PCNX1: variants seen among roughly 807,000 people sequenced by gnomAD.
PCNX1 encodes pecanex-like protein 1.
In PCNX1, 78 loss-of-function variants were observed where a neutral mutation model predicts 242.2. That is an observed-to-expected ratio of 0.32 (90% CI 0.27 to 0.39). PCNX1 has a LOEUF of 0.39. Among genes scored for constraint, PCNX1 ranks in the 10% least tolerant of loss-of-function variants. The probability of loss-of-function intolerance (pLI) is 1.00; values close to 1 mark genes in which losing one functional copy is unlikely to be tolerated. For missense variants in PCNX1, 2,581 were observed against 2,856.5 expected, an observed-to-expected ratio of 0.90 and a Z score of 2.20; for synonymous variants, 1,024 against 1,032.9, an observed-to-expected ratio of 0.99 and a Z score of 0.17.
chr14:71,001,636 A>G (rs1454403110), intron 8 of PCNX1, among the ~76,000 whole-genome samples: 2 of 152,244 alleles, frequency 1.3e-5, no homozygotes, highest in Non-Finnish European at 2.9e-5. Flanking sequence ...TCATTGAATC[A>G]CTAGACTAGA....
At position 70,978,018 on chromosome 14, in the gene PCNX1, A is replaced by C; in HGVS notation, c.1681A>C (p.Arg561=). 1.2e-6 allele frequency: 2 copies of C among 1,614,154 alleles called. No homozygotes were observed. Among genetic ancestry groups the C allele is most frequent in the Non-Finnish European group, 1.7e-6 (2 of 1,180,030 alleles). Residue 561 remains arginine, a synonymous_variant, in exon 6 of 36, where the codon AGG becomes CGG. Transcript: ENST00000304743. The part of the protein sequence containing the change: ...HRTASAHKSG[R]RRTGKKRASS... ...GACAGCTTCTGCCCACAAGTCAGGCAGGAGACGCACAGGAAAAAAACGGGC... is the reference window on the plus strand; with the variant it reads ...GACAGCTTCTGCCCACAAGTCAGGCCGGAGACGCACAGGAAAAAAACGGGC...
chr14:71,006,005 C>T (rs1310238755), intron 8 of PCNX1, among the ~76,000 whole-genome samples: 2 of 151,426 alleles, frequency 1.3e-5, no homozygotes, highest in Admixed American at 6.6e-5. Context: ...TCGCTGCAGC[C>T]GCAACCTCCT....
chr14:71,069,296 T>G (rs906540051), intron 26 of PCNX1, among the ~76,000 whole-genome samples: 3 of 152,142 alleles, frequency 2.0e-5, no homozygotes, highest in African/African-American at 7.2e-5. Flanking sequence ...CATATCAGTA[T>G]CTCTAAAAAA....
At chr14:70,924,459 A>G (rs577587620) in intron 1 of PCNX1, among the ~76,000 whole-genome samples, 19 of 152,244 alleles carry the variant, frequency 1.2e-4, no homozygotes, top group Admixed American at 1.0e-3. Context: ...TTATTAACTT[A>G]AAGTTCATAC....
At chr14:71,025,435 CT>C (rs1384487699) in intron 13 of PCNX1, among the ~76,000 whole-genome samples, 5 of 151,656 alleles carry the variant, frequency 3.3e-5, no homozygotes, top group Admixed American at 1.3e-4. Context: ...GCCCCCCCAC[CT>C]TTTTTGGTAG....
intron 22 of PCNX1, among the ~76,000 whole-genome samples, chr14:71,050,156 A>AT (rs34437472): frequency 0.54 from 81,540 of 151,094 alleles, 23,056 homozygotes; most frequent in East Asian, 0.71. Context: ...AGACATCTTG[A>AT]TTTTTTTTCT....
Position 70,978,168 on chromosome 14 carries a change from G to C in PCNX1, c.1831G>C (p.Ala611Pro), listed in dbSNP as rs1239193700. 1.2e-6 allele frequency: 2 copies of C among 1,614,094 alleles called. No homozygotes were observed. Among genetic ancestry groups the C allele is most frequent in the Non-Finnish European group, 1.7e-6 (2 of 1,179,994 alleles). ...DSSDQSDLSR[A>P]SSVQSAHQFS... ...TAGTGATCAGAGTGACTTGAGTAGA[G>C]CATCAAGTGTTCAGTCTGCTCACCA... is the stretch of plus-strand genomic sequence containing the variant. Residue 611 changes from alanine (A) to proline (P), a missense_variant, in exon 6 of 36, where the codon GCA becomes CCA. Transcript: ENST00000304743.
intron 8 of PCNX1, among the ~76,000 whole-genome samples, chr14:70,998,875 T>G (rs2059428077): frequency 6.6e-6 from 1 of 152,020 alleles, no homozygotes; most frequent in African/African-American, 2.4e-5. Flanking sequence ...GGATGAGTTT[T>G]GGAAGTTAAT....
At chr14:71,061,475 C>A (rs1378820012) in intron 26 of PCNX1, among the ~76,000 whole-genome samples, 1 of 152,204 alleles carries the variant, frequency 6.6e-6, no homozygotes. Flanking sequence ...AGTGGTATTT[C>A]TGCCTCCAAA....
intron 1 of PCNX1, among the ~76,000 whole-genome samples, chr14:70,926,485 A>C (rs558498113): frequency 6.6e-6 from 1 of 152,210 alleles, no homozygotes; most frequent in Non-Finnish European, 1.5e-5. Flanking sequence ...CTTGCTGCCA[A>C]TTGGCTGCAT....
chr14:70,943,753 A>G (rs973109583), intron 1 of PCNX1, among the ~76,000 whole-genome samples: 1 of 141,852 alleles, frequency 7.0e-6, no homozygotes, highest in Non-Finnish European at 1.5e-5. Flanking sequence ...TCACGAGCCC[A>G]GAGGCCTAGA....
chr14:71,027,169 A>T, intron 15 of PCNX1: 1 of 263,114 alleles, frequency 3.8e-6, no homozygotes, highest in Non-Finnish European at 7.3e-6. Context: ...TGGAGCCTAC[A>T]TATACTTAAG....
At chr14:70,938,659 G>A (rs973338272) in intron 1 of PCNX1, among the ~76,000 whole-genome samples, 3 of 152,134 alleles carry the variant, frequency 2.0e-5, no homozygotes, top group African/African-American at 4.8e-5. Flanking sequence ...GAGTTAGGGA[G>A]GATTCTCTCT....
rs1457362610 is a variant in PCNX1 at position 71,113,442 on chromosome 14, A to G, written c.*3507A>G. 1.3e-5 allele frequency: 2 copies of G among 152,650 alleles called. No individual in the cohort carries two copies. The highest frequency in any genetic ancestry group is 2.4e-5 in the African/African-American group (1 of 41,454). The allele number at this position is 152,650 out of a possible 1,614,324, so 9.5% of individuals were successfully genotyped here. ...GAAGATGTGTTTTTCTTTCTGAATT[A>G]GTTTATTTTTCCATCACATACCAAA... On this transcript the variant is annotated 3_prime_UTR_variant, in exon 36 of 36. Transcript: ENST00000304743.
intron 1 of PCNX1, among the ~76,000 whole-genome samples, chr14:70,926,183 G>A (rs571799236): frequency 2.0e-5 from 3 of 152,298 alleles, no homozygotes; most frequent in African/African-American, 7.2e-5. Context: ...GAGATAATTT[G>A]TGTCACTGGT....
intron 10 of PCNX1, 110 bp from the exon 11 acceptor site, chr14:71,012,875 T>G: frequency 1.3e-6 from 1 of 763,718 alleles, no homozygotes; most frequent in Non-Finnish European, 2.2e-6. Context: ...CTTAGATAAC[T>G]GATAAGCTAA....
intron 1 of PCNX1, among the ~76,000 whole-genome samples, chr14:70,925,946 G>A (rs368427837): frequency 7.2e-5 from 11 of 152,004 alleles, no homozygotes; most frequent in South Asian, 4.2e-4. Context: ...ATTAGTCTGC[G>A]TTTGAAAGCC....
intron 1 of PCNX1, among the ~76,000 whole-genome samples, chr14:70,940,792 A>G (rs1044660754): frequency 1.8e-4 from 27 of 152,160 alleles, no homozygotes; most frequent in Admixed American, 1.6e-3. Context: ...GTCTTTTCAC[A>G]TAGTCCCATA....
At chr14:70,961,356 A>G (rs2058205689) in intron 2 of PCNX1, among the ~76,000 whole-genome samples, 1 of 152,236 alleles carries the variant, frequency 6.6e-6, no homozygotes, top group Non-Finnish European at 1.5e-5. Context: ...CTCAGAAATA[A>G]CGCCGCATAT....
Sources: gnomAD v4.1 joint callset for allele counts (sites outside exome capture counted in the v4.1 genomes callset) on GRCh38, gnomAD v4.1.1 for gene constraint, MANE v1.5 for transcripts, NCBI Gene and HGNC (gene_info 2026-07-23, HGNC 2026-07-21) for gene names.